Variants in LSAMP observed in about 807,000 individuals in gnomAD.
The protein encoded by LSAMP is limbic system associated membrane protein.
A neutral mutation model predicts 38.6 loss-of-function variants in LSAMP; 7 were observed. The ratio of observed to expected loss-of-function variants is 0.18; its 90% CI spans 0.10 to 0.34. The LOEUF (loss-of-function observed/expected upper bound fraction) is 0.34, where lower values mean the gene tolerates loss of function less well. Ranked by LOEUF, LSAMP falls within the 10% of genes least tolerant of loss-of-function variation. The probability of loss-of-function intolerance (pLI) is 1.00; values close to 1 mark genes in which losing one functional copy is unlikely to be tolerated. For missense variants in LSAMP, 313 were observed against 420.0 expected, an observed-to-expected ratio of 0.75 and a Z score of 2.23; for synonymous variants, 154 against 166.8, an observed-to-expected ratio of 0.92 and a Z score of 0.59.
At chr3:116,307,355 C>T (rs2047497394) in intron 1 of LSAMP, among the ~76,000 whole-genome samples, 1 of 151,850 alleles carries the variant, frequency 6.6e-6, no homozygotes, top group Non-Finnish European at 1.5e-5. Flanking sequence ...AACTAATTTG[C>T]AATACTTTAA....
intron 3 of LSAMP, among the ~76,000 whole-genome samples, chr3:115,967,800 A>C (rs1030368497): frequency 6.6e-6 from 1 of 152,116 alleles, no homozygotes; most frequent in Non-Finnish European, 1.5e-5. Context: ...ACTCACTATC[A>C]CGAGAACAGC....
At chr3:116,061,689 C>A (rs888910788) in intron 2 of LSAMP, among the ~76,000 whole-genome samples, 3 of 152,254 alleles carry the variant, frequency 2.0e-5, no homozygotes, top group Admixed American at 1.3e-4. Flanking sequence ...TTTTGTTTAT[C>A]TTCTTTATTA....
At chr3:116,412,424 T>C (rs1478128135) in intron 1 of LSAMP, among the ~76,000 whole-genome samples, 1 of 152,108 alleles carries the variant, frequency 6.6e-6, no homozygotes. Flanking sequence ...CTCATGATTC[T>C]TTCTACATCT....
At chr3:115,898,695 T>C (rs998422716) in intron 3 of LSAMP, among the ~76,000 whole-genome samples, 2 of 151,764 alleles carry the variant, frequency 1.3e-5, no homozygotes, top group African/African-American at 4.8e-5. Flanking sequence ...ACCCAGCCAA[T>C]GGTCCAGCCT....
chr3:116,077,120 TAA>T (rs35311137), intron 2 of LSAMP, among the ~76,000 whole-genome samples: 18,446 of 151,938 alleles, frequency 0.12, 1,386 homozygotes, highest in Non-Finnish European at 0.17. Context: ...TATTAATTTA[TAA>T]GTGTTTTTCT....
chr3:116,103,194 A>T (rs1708386043), intron 1 of LSAMP, among the ~76,000 whole-genome samples: 1 of 152,082 alleles, frequency 6.6e-6, no homozygotes, highest in Non-Finnish European at 1.5e-5. Context: ...GACTGGGCAC[A>T]GTGGCTCACA....
chr3:116,254,279 C>G (rs990828979), intron 1 of LSAMP, among the ~76,000 whole-genome samples: 2 of 152,114 alleles, frequency 1.3e-5, no homozygotes, highest in African/African-American at 4.8e-5. Context: ...TGTATTGATT[C>G]ATGTAACATA....
intron 3 of LSAMP, among the ~76,000 whole-genome samples, chr3:115,897,044 C>T (rs1936746532): frequency 6.6e-6 from 1 of 152,030 alleles, no homozygotes; most frequent in African/African-American, 2.4e-5. Flanking sequence ...TGAAGGCTAG[C>T]TGATGGGGAA....
chr3:115,851,194 G>A (rs971641902), intron 4 of LSAMP, among the ~76,000 whole-genome samples: 12 of 152,030 alleles, frequency 7.9e-5, no homozygotes, highest in African/African-American at 1.4e-4. Flanking sequence ...GGCTTGTCTC[G>A]AACTCCTGAC....
chr3:115,933,878 T>C (rs16824294), intron 3 of LSAMP, among the ~76,000 whole-genome samples: 1,974 of 151,986 alleles, frequency 0.013, 31 homozygotes, highest in Non-Finnish European at 0.02. Context: ...TATAGAAGAG[T>C]GTTTGGGATA....
At chr3:116,024,853 AG>A (rs1453736813) in intron 2 of LSAMP, among the ~76,000 whole-genome samples, 1 of 151,278 alleles carries the variant, frequency 6.6e-6, no homozygotes, top group Admixed American at 6.6e-5. Flanking sequence ...ATGTGGGCAA[AG>A]GGGACAAAAA....
At chr3:116,233,803 G>A (rs1285491795) in intron 1 of LSAMP, among the ~76,000 whole-genome samples, 2 of 152,094 alleles carry the variant, frequency 1.3e-5, no homozygotes, top group Non-Finnish European at 2.9e-5. Flanking sequence ...CCAGTTTAAG[G>A]GGAATTATTG....
At chr3:116,165,930 T>A (rs1221488239) in intron 1 of LSAMP, among the ~76,000 whole-genome samples, 2 of 152,200 alleles carry the variant, frequency 1.3e-5, no homozygotes, top group African/African-American at 4.8e-5. Context: ...CTCTGTTGCA[T>A]AATCTCTAAA....
chr3:116,025,652 T>A (rs1254452767), intron 2 of LSAMP, among the ~76,000 whole-genome samples: 1 of 152,152 alleles, frequency 6.6e-6, no homozygotes, highest in Admixed American at 6.5e-5. Context: ...TTCCTCCCTA[T>A]AATTTTTTAG....
At chr3:115,914,558 A>G (rs1220930493) in intron 3 of LSAMP, among the ~76,000 whole-genome samples, 1 of 152,160 alleles carries the variant, frequency 6.6e-6, no homozygotes, top group African/African-American at 2.4e-5. Context: ...CCCTATTGCG[A>G]TAGTCTTGAC....
intron 3 of LSAMP, among the ~76,000 whole-genome samples, chr3:116,007,065 T>C (rs75118687): frequency 0.02 from 3,086 of 152,296 alleles, 114 homozygotes; most frequent in African/African-American, 0.069. Flanking sequence ...AAGAATTAGA[T>C]CTGATTTGCA....
At chr3:115,820,109 T>C (rs1934181869) in intron 6 of LSAMP, among the ~76,000 whole-genome samples, 1 of 152,118 alleles carries the variant, frequency 6.6e-6, no homozygotes, top group Non-Finnish European at 1.5e-5. Context: ...GAATTTTTTT[T>C]TGCATTTAAC....
At chr3:116,397,261 G>A (rs2048780868) in intron 1 of LSAMP, among the ~76,000 whole-genome samples, 1 of 151,900 alleles carries the variant, frequency 6.6e-6, no homozygotes, top group Admixed American at 6.6e-5. Context: ...TTAGACATGT[G>A]GGCTAGAGAA....
At chr3:116,086,238 G>T in intron 2 of LSAMP, 86 bp downstream of exon 2, 1 of 1,050,510 alleles carries the variant, frequency 9.5e-7, no homozygotes, top group Non-Finnish European at 1.4e-6. Context: ...TTTCTTTTCA[G>T]GAAGGATTCT....
Sources: allele counts gnomAD v4.1 joint callset (sites outside exome capture counted in the v4.1 genomes callset), GRCh38; gene constraint gnomAD v4.1.1; transcripts MANE v1.5; gene names NCBI Gene and HGNC (gene_info 2026-07-23, HGNC 2026-07-21).